The following CDK6 variants were observed in gnomAD, a reference collection of about 807,000 sequenced individuals.
CDK6 encodes the protein cyclin-dependent kinase 6.
In CDK6, 6 loss-of-function variants were observed where a neutral mutation model predicts 37.1. The observed-to-expected ratio is 0.16, with a 90% CI of 0.09 to 0.32. The LOEUF is 0.32. Among genes scored for constraint, CDK6 ranks in the 10% least tolerant of loss-of-function variants. CDK6 has a pLI of 1.00. For missense variants in CDK6, 224 were observed against 418.9 expected (o/e 0.53, Z 4.06); for synonymous variants, 160 against 161.3 (o/e 0.99, Z 0.06).
At chr7:92,618,345 C>A in intron 6 of CDK6, 138 bp from the exon 7 acceptor site, 3 of 750,838 alleles carry the variant, frequency 4.0e-6, no homozygotes, top group South Asian at 1.8e-5. Context: ...TTATCACTGG[C>A]AGGGTCTCTG....
At position 92,615,296 on chromosome 7, in the gene CDK6, A is replaced by G. The variant is rs1441579017; in HGVS notation, c.835-10T>C. Reference sequence around the variant, plus strand: ...TAAATGTCAAACACTTCTGTAATAAAGAAAAAAATAATTGGTTGATATACA... The same window carrying G: ...TAAATGTCAAACACTTCTGTAATAAGGAAAAAAATAATTGGTTGATATACA... On this transcript the variant is annotated splice_polypyrimidine_tract_variant and intron_variant, in intron 7 of 7. Transcript: ENST00000424848. 7 of 1,605,852 alleles carry G rather than the reference A, an allele frequency of 4.4e-6. No individual in the cohort carries two copies. The South Asian group carries it at 6.6e-5, about 15-fold the overall frequency.
At chr7:92,689,774 C>T (rs1478292787) in intron 4 of CDK6, among the ~76,000 whole-genome samples, 1 of 152,164 alleles carries the variant, frequency 6.6e-6, no homozygotes, top group Non-Finnish European at 1.5e-5. Flanking sequence ...ATTCCTTTTT[C>T]TCCACAACCT....
At chr7:92,760,982 T>C (rs1243566089) in intron 3 of CDK6, among the ~76,000 whole-genome samples, 2 of 152,124 alleles carry the variant, frequency 1.3e-5, no homozygotes, top group East Asian at 3.8e-4. Context: ...TGTATATATG[T>C]ACATCTTTGC....
chr7:92,743,005 A>G (rs1047529461), intron 3 of CDK6, among the ~76,000 whole-genome samples: 7 of 151,912 alleles, frequency 4.6e-5, no homozygotes, highest in Non-Finnish European at 1.5e-5. Context: ...GTGCTCAGAT[A>G]GAAGAGAGGT....
chr7:92,759,387 A>C (rs1171794772), intron 3 of CDK6, among the ~76,000 whole-genome samples: 1 of 152,164 alleles, frequency 6.6e-6, no homozygotes, highest in East Asian at 1.9e-4. Flanking sequence ...GATTAGCATC[A>C]GGGCTTGCTG....
intron 2 of CDK6, among the ~76,000 whole-genome samples, chr7:92,821,962 T>C (rs1451082264): frequency 1.3e-5 from 2 of 152,090 alleles, no homozygotes; most frequent in African/African-American, 4.8e-5. Context: ...CATGTCAATA[T>C]TTTAATATGA....
chr7:92,698,375 T>C (rs1003195847), intron 4 of CDK6, among the ~76,000 whole-genome samples: 15 of 152,218 alleles, frequency 9.9e-5, no homozygotes, highest in African/African-American at 3.6e-4. Flanking sequence ...TGGCTCTTTT[T>C]CCCTCGCGCT....
chr7:92,753,539 C>T (rs889836618), intron 3 of CDK6, among the ~76,000 whole-genome samples: 1 of 152,178 alleles, frequency 6.6e-6, no homozygotes, highest in Non-Finnish European at 1.5e-5. Flanking sequence ...GTCGCCCAGG[C>T]TGGAGTGCAG....
intron 5 of CDK6, among the ~76,000 whole-genome samples, chr7:92,627,874 G>C (rs562719841): frequency 1.5e-3 from 221 of 151,990 alleles, no homozygotes; most frequent in Middle Eastern, 0.014. Context: ...GATTCAGGAG[G>C]AGGGTAAAAA....
At chr7:92,771,224 C>CAAAAAAA (rs1368775003) in intron 3 of CDK6, among the ~76,000 whole-genome samples, 7 of 72,132 alleles carry the variant, frequency 9.7e-5, no homozygotes, top group African/African-American at 3.0e-4. Flanking sequence ...GACTCCGTCT[C>CAAAAAAA]AAAAAAAAAA....
chr7:92,610,361 T>C lies in CDK6; in HGVS notation c.*4779A>G. 1 of 231,968 alleles carries C rather than the reference T, an allele frequency of 4.3e-6. No individual in the cohort carries two copies. The highest frequency in any genetic ancestry group is 2.2e-5 in the African/African-American group (1 of 45,414). The allele number at this position is 231,968 out of a possible 1,614,324, so 14.4% of individuals were successfully genotyped here. On this transcript the variant is annotated 3_prime_UTR_variant, in exon 8 of 8. Coordinates refer to ENST00000424848, the MANE Select transcript of CDK6 (RefSeq NM_001145306.2). ...AAACGTTATCACTTCCTGGAAATGC[T>C]GAGAAATAGAAAACATTTTGAAAAG...
At chr7:92,794,141 A>G (rs1195340677) in intron 2 of CDK6, among the ~76,000 whole-genome samples, 1 of 152,110 alleles carries the variant, frequency 6.6e-6, no homozygotes, top group Non-Finnish European at 1.5e-5. Flanking sequence ...AAATCCTTCT[A>G]TTGTCTTTTA....
At chr7:92,643,789 G>A (rs1796374093) in intron 5 of CDK6, among the ~76,000 whole-genome samples, 1 of 151,976 alleles carries the variant, frequency 6.6e-6, no homozygotes, top group African/African-American at 2.4e-5. Flanking sequence ...GATATAAATG[G>A]GACACTTACT....
intron 3 of CDK6, among the ~76,000 whole-genome samples, chr7:92,770,319 CTTTTTTTT>C (rs746741500): frequency 1.1e-5 from 1 of 90,942 alleles, no homozygotes; most frequent in Non-Finnish European, 2.3e-5. Context: ...TCTATGTATG[CTTTTTTTT>C]TTTTTTTTTT....
intron 3 of CDK6, among the ~76,000 whole-genome samples, chr7:92,756,315 A>G (rs962925485): frequency 3.4e-4 from 52 of 152,340 alleles, no homozygotes; most frequent in African/African-American, 1.1e-3. Context: ...CCCTAAGGCC[A>G]TTTCAAAAAG....
chr7:92,818,571 G>C (rs1801086789), intron 2 of CDK6, among the ~76,000 whole-genome samples: 1 of 151,496 alleles, frequency 6.6e-6, no homozygotes, highest in Non-Finnish European at 1.5e-5. Flanking sequence ...AAAAGCATAA[G>C]CTATCAAAGA....
chr7:92,672,202 C>CACACAG (rs1585387147), intron 4 of CDK6, among the ~76,000 whole-genome samples: 1 of 124,222 alleles, frequency 8.1e-6, no homozygotes, highest in East Asian at 2.3e-4. Flanking sequence ...CACACACACA[C>CACACAG]ACACACACAC....
At chr7:92,646,977 C>G (rs1292375608) in intron 5 of CDK6, among the ~76,000 whole-genome samples, 3 of 152,102 alleles carry the variant, frequency 2.0e-5, no homozygotes, top group Admixed American at 6.6e-5. Context: ...GAAGAAAAAT[C>G]TTGAGACTAA....
chr7:92,787,486 T>C (rs1017947209), intron 2 of CDK6, among the ~76,000 whole-genome samples: 1 of 152,120 alleles, frequency 6.6e-6, no homozygotes, highest in Non-Finnish European at 1.5e-5. Flanking sequence ...ATAAATTCTT[T>C]TGTATTTAGA....
Sources: gnomAD v4.1 joint callset for allele counts (sites outside exome capture counted in the v4.1 genomes callset) on GRCh38, gnomAD v4.1.1 for gene constraint, MANE v1.5 for transcripts, NCBI Gene and HGNC (gene_info 2026-07-23, HGNC 2026-07-21) for gene names.